Variants in COQ10B observed in about 807,000 individuals in gnomAD.
COQ10B encodes coenzyme Q10B.
Under a neutral mutation model 27.6 loss-of-function variants are expected in COQ10B, and 12 were observed. The observed-to-expected ratio is 0.43, with a 90% CI of 0.28 to 0.70. The LOEUF (loss-of-function observed/expected upper bound fraction) is 0.70. Among genes scored for constraint, COQ10B ranks in the 30% least tolerant of loss-of-function variants. The pLI, the probability that COQ10B is intolerant of heterozygous loss-of-function variation, is 0.17. For missense variants in COQ10B, 278 were observed against 288.7 expected (o/e 0.96, Z 0.27); for synonymous variants, 115 against 103.0 (o/e 1.12, Z -0.71).
At chr2:197,462,188 G>C (rs2085767905) in intron 2 of COQ10B, among the ~76,000 whole-genome samples, 1 of 151,174 alleles carries the variant, frequency 6.6e-6, no homozygotes, top group African/African-American at 2.4e-5. Flanking sequence ...AGAATCGCTT[G>C]AACCCGGGAG....
At chr2:197,473,694 C>CAA in intron 4 of COQ10B, 63 bp from the exon 5 acceptor site, 7 of 1,073,084 alleles carry the variant, frequency 6.5e-6, no homozygotes, top group Non-Finnish European at 8.7e-6. Flanking sequence ...TCCAGGAAAA[C>CAA]CAAAAAAAAA....
intron 1 of COQ10B, among the ~76,000 whole-genome samples, chr2:197,456,916 A>T (rs750350741): frequency 6.4e-4 from 96 of 149,834 alleles, no homozygotes; most frequent in Non-Finnish European, 1.1e-3. Context: ...TACATTTCTA[A>T]TGGTCTGTAC....
intron 2 of COQ10B, among the ~76,000 whole-genome samples, chr2:197,461,815 A>G (rs761764620): frequency 4.6e-5 from 7 of 151,834 alleles, no homozygotes; most frequent in Non-Finnish European, 8.8e-5. Flanking sequence ...TAATTTTTGT[A>G]TTTTTAGTAG....
intron 3 of COQ10B, among the ~76,000 whole-genome samples, chr2:197,464,564 A>G (rs1326202247): frequency 6.6e-6 from 1 of 152,094 alleles, no homozygotes; most frequent in Non-Finnish European, 1.5e-5. Context: ...TATTATTACA[A>G]ATGCTTTCAC....
chr2:197,471,074 T>G (rs943467896), intron 4 of COQ10B, among the ~76,000 whole-genome samples: 1 of 152,162 alleles, frequency 6.6e-6, no homozygotes, highest in Non-Finnish European at 1.5e-5. Context: ...TCAAAAAATT[T>G]AAAAATAAAA....
intron 3 of COQ10B, among the ~76,000 whole-genome samples, chr2:197,464,359 A>G (rs1180879734): frequency 6.6e-6 from 1 of 152,052 alleles, no homozygotes; most frequent in African/African-American, 2.4e-5. Context: ...TTTCTTGGTA[A>G]GTGGCCAGAG....
At chr2:197,465,107 G>A (rs1186388698) in intron 3 of COQ10B, among the ~76,000 whole-genome samples, 3 of 151,860 alleles carry the variant, frequency 2.0e-5, no homozygotes, top group Non-Finnish European at 4.4e-5. Flanking sequence ...GGATGGTCTC[G>A]ATCTCCTGAC....
In COQ10B at chr2:197,460,008, G is replaced by C; in HGVS notation, c.181G>C (p.Ala61Pro). 3 of 1,610,996 alleles carry C rather than the reference G, an allele frequency of 1.9e-6. No homozygotes were observed. Among genetic ancestry groups the C allele is most frequent in the Non-Finnish European group, 2.5e-6 (3 of 1,177,562 alleles). Residue 61 changes from alanine (A) to proline (P), a missense_variant, in exon 2 of 5, where the codon GCA (alanine) becomes CCA (proline). Ala to Pro is a conservative substitution (Grantham distance 27). Coordinates refer to ENST00000263960, the MANE Select transcript of COQ10B (RefSeq NM_025147.5). Reference protein sequence around the residue: ...HTSILPKEICARTFFKITAPL... With the variant: ...HTSILPKEICPRTFFKITAPL... ...CTCAATTTTGCCTAAGGAGATATGT[G>C]CACGAACTTTCTTCAAAATCACTGC... is the stretch of plus-strand genomic sequence containing the variant.
chr2:197,457,115 T>C (rs895780675), intron 1 of COQ10B, among the ~76,000 whole-genome samples: 8 of 152,090 alleles, frequency 5.3e-5, no homozygotes, highest in African/African-American at 1.9e-4. Context: ...CACAATAGAG[T>C]TCTGGCTCCT....
In COQ10B at chr2:197,473,371, T is replaced by C. The variant is rs1245882044; in HGVS notation, c.550-386T>C. ...GAGTTTGAGATCAGCCTGGGCAACATGGCAAAACCCCTTCTCTACGCCCCC... is the reference window on the plus strand; with the variant it reads ...GAGTTTGAGATCAGCCTGGGCAACACGGCAAAACCCCTTCTCTACGCCCCC... On this transcript the variant is annotated intron_variant, in intron 4 of 4. Transcript: ENST00000263960. Among the ~76,000 whole-genome samples the C allele has an allele frequency of 7.0e-5, 9 of 127,706 alleles. No individual in the cohort carries two copies. The South Asian group carries it at 9.8e-4, about 14-fold the overall frequency. 83.8% of individuals were successfully genotyped at this position (127,706 alleles called of 152,430 possible). A position where few individuals can be genotyped will look rare whatever the true frequency, so the allele number is the denominator to read the frequency against.
In COQ10B at chr2:197,470,164, A is replaced by C; in HGVS notation, c.542A>C (p.Asp181Ala). Residue 181 changes from aspartate to alanine, a missense_variant, in exon 4 of 5, where the codon GAT becomes GCT. Physicochemically the swap from Asp to Ala is moderately radical, Grantham distance 126. This residue lies in a region of COQ10B where 83 missense variants were observed against 104.5 expected (regional missense o/e 0.79). Transcript: ENST00000263960. Reference protein sequence around the residue: ...LPGYPRTCTLDFSISFEFRSL... With the variant: ...LPGYPRTCTLAFSISFEFRSL... ...GGCTACCCAAGAACTTGTACCTTGGATTTTTCAGTAAGTCTCATAAAGCCC... is the reference window on the plus strand; with the variant it reads ...GGCTACCCAAGAACTTGTACCTTGGCTTTTTCAGTAAGTCTCATAAAGCCC... 6.3e-7 allele frequency: 1 copy of C among 1,596,256 alleles called. No homozygotes were observed.
At chr2:197,456,468 A>C (rs1036839488) in intron 1 of COQ10B, among the ~76,000 whole-genome samples, 2 of 150,740 alleles carry the variant, frequency 1.3e-5, no homozygotes, top group African/African-American at 4.9e-5. Context: ...ATCTCAAAAA[A>C]AAAAAAGTTG....
intron 2 of COQ10B, among the ~76,000 whole-genome samples, chr2:197,462,044 C>T (rs1017566514): frequency 1.3e-5 from 2 of 151,930 alleles, no homozygotes; most frequent in African/African-American, 4.8e-5. Context: ...CCGAGGTGGG[C>T]GGATCACCAG....
intron 3 of COQ10B, among the ~76,000 whole-genome samples, chr2:197,464,621 A>T (rs985184643): frequency 3.3e-5 from 5 of 152,132 alleles, no homozygotes; most frequent in African/African-American, 4.8e-5. Flanking sequence ...TTCTGTCGTA[A>T]TAGCTAACAT....
Position 197,462,582 on chromosome 2 carries a change from G to T in COQ10B, c.298G>T (p.Asp100Tyr). Residue 100 changes from aspartate (D) to tyrosine (Y), a missense_variant, in exon 3 of 5, where the codon GAT becomes TAT. Physicochemically the swap from Asp to Tyr is radical, Grantham distance 160 (BLOSUM62 -3). Transcript: ENST00000263960. ...EMYDVVSGVE[D>Y]YKHFVPWCKK... ...GTATGATGTAGTATCGGGAGTGGAG[G>T]ATTACAAGCATTTTGTTCCTTGGTG... The T allele has an allele frequency of 6.3e-7, 1 of 1,594,120 alleles. No homozygotes were observed.
chr2:197,461,355 C>T (rs1449136419), intron 2 of COQ10B, among the ~76,000 whole-genome samples: 2 of 152,110 alleles, frequency 1.3e-5, no homozygotes, highest in East Asian at 1.9e-4. Context: ...CACAACACCT[C>T]CTCCCAGATA....
chr2:197,468,928 A>G (rs1322089627), intron 3 of COQ10B, among the ~76,000 whole-genome samples: 2 of 152,250 alleles, frequency 1.3e-5, no homozygotes, highest in African/African-American at 4.8e-5. Context: ...TAACGAGCAT[A>G]ATCAGTCCTA....
chr2:197,460,181 T>G, intron 2 of COQ10B, 100 bp downstream of exon 2: 1 of 737,090 alleles, frequency 1.4e-6, no homozygotes, highest in Non-Finnish European at 2.1e-6. Flanking sequence ...TCTTACAGAC[T>G]AAGCTCTCTT....
chr2:197,454,144 TACAA>T, intron 1 of COQ10B: 1 of 1,547,118 alleles, frequency 6.5e-7, no homozygotes, highest in Non-Finnish European at 8.7e-7. Context: ...ATTTAGTGTT[TACAA>T]AACTAAATAC....
Sources: allele counts gnomAD v4.1 joint callset (sites outside exome capture counted in the v4.1 genomes callset), GRCh38; gene constraint gnomAD v4.1.1; regional missense constraint gnomAD v4.1.1; transcripts MANE v1.5; gene names NCBI Gene and HGNC (gene_info 2026-07-23, HGNC 2026-07-21).